Variants in STAG3 observed in about 807,000 individuals in gnomAD.
STAG3 encodes cohesin subunit SA-3.
STAG3 carries 101 observed loss-of-function variants against 160.7 expected under a neutral mutation model. The observed-to-expected ratio is 0.63, with a 90% CI of 0.54 to 0.74. The LOEUF is 0.74. Among genes scored for constraint, STAG3 ranks in the 30% least tolerant of loss-of-function variants. The pLI is 0.00. For missense variants in STAG3, 1,188 were observed against 1,517.4 expected (o/e 0.78, Z 3.61); for synonymous variants, 519 against 585.0 (o/e 0.89, Z 1.63).
At chr7:100,217,430 C>A (rs565438534), downstream of STAG3, among the ~76,000 whole-genome samples, 1 of 152,242 alleles carries the variant, frequency 6.6e-6, no homozygotes, top group Non-Finnish European at 1.5e-5. Context: ...CAGAGCAGTG[C>A]TTTTCAGGGG....
At chr7:100,194,119 C>T (rs1251034095) in intron 8 of STAG3, among the ~76,000 whole-genome samples, 2 of 151,718 alleles carry the variant, frequency 1.3e-5, no homozygotes, top group Non-Finnish European at 2.9e-5. Context: ...AGCTAATTTT[C>T]TGTTTTTAGT....
rs774291155 is a variant in STAG3 at position 100,211,528 on chromosome 7, C to T, written c.3507C>T (p.Asn1169=). ...ACCCTTCAGGTCCTGGCCTGGGCAA[C>T]CAGCTGATGCGGTGAGCTTTTCTCA... is the stretch of plus-strand genomic sequence containing the variant. ...PHNPSGPGLG[N]QLMRLSLMEE... The change falls in exon 31 of 34, where the codon AAC becomes AAT. Residue 1169 remains asparagine, a synonymous_variant. Transcript: ENST00000615138. 3 of 1,613,816 alleles carry T rather than the reference C, an allele frequency of 1.9e-6. No homozygotes were observed. Among genetic ancestry groups the T allele is most frequent in the South Asian group, 2.2e-5 (2 of 91,034 alleles).
intron 2 of STAG3, chr7:100,180,954 A>G (rs1234728821): frequency 7.8e-6 from 2 of 257,644 alleles, no homozygotes; most frequent in Non-Finnish European, 1.5e-5. Context: ...ATCTCGGCTT[A>G]CTGCAACCTC....
Position 100,178,251 on chromosome 7 carries a change from G to A in STAG3, c.-65+246G>A, listed in dbSNP as rs567378534. On this transcript the variant is annotated intron_variant, in intron 1 of 33. Transcript: ENST00000615138. ...TTTATCCTGGAGCCGCTTACCCCAGGGGCAGTCGTAGATATTTTTACCTTC... is the reference window on the plus strand; with the variant it reads ...TTTATCCTGGAGCCGCTTACCCCAGAGGCAGTCGTAGATATTTTTACCTTC... Among the ~76,000 whole-genome samples, 7 of 152,226 alleles carry A rather than the reference G, an allele frequency of 4.6e-5. No homozygotes were observed. In the East Asian group the frequency reaches 1.4e-3, roughly 29 times the overall value.
At chr7:100,193,948 T>TC (rs1251846876) in intron 8 of STAG3, among the ~76,000 whole-genome samples, 1 of 150,598 alleles carries the variant, frequency 6.6e-6, no homozygotes, top group Non-Finnish European at 1.5e-5. Context: ...TCTTTTTTTT[T>TC]TTTTTTTTTT....
chr7:100,182,727 C>G lies in STAG3; in HGVS notation c.224C>G (p.Ala75Gly). ...AKRPPKTTPV[A>G]KHPKKGSRVV... is the part of the protein sequence containing the mutation. ...TGATCTTTTTATACATATTAGGTGGCAAAACATCCAAAGAAAGGGTCCCGA... is the reference window on the plus strand; with the variant it reads ...TGATCTTTTTATACATATTAGGTGGGAAAACATCCAAAGAAAGGGTCCCGA... Residue 75 changes from alanine (A) to glycine (G), a missense_variant, in exon 4 of 34, where the codon GCA becomes GGA. By Grantham distance (60) the Ala-to-Gly change is moderately conservative. This residue lies in a region of STAG3 where 296 missense variants were observed against 404.0 expected (regional missense o/e 0.73). Transcript: ENST00000615138. 6.2e-7 allele frequency: 1 copy of G among 1,613,208 alleles called. No individual in the cohort carries two copies. Among genetic ancestry groups the G allele is most frequent in the Non-Finnish European group, 8.5e-7 (1 of 1,179,776 alleles).
intron 29 of STAG3, among the ~76,000 whole-genome samples, chr7:100,206,771 A>G (rs890394199): frequency 5.3e-5 from 8 of 152,182 alleles, no homozygotes; most frequent in Non-Finnish European, 8.8e-5. Context: ...TGCCCAGCCA[A>G]AAATCACCCT....
chr7:100,210,100 C>T (rs1307541543), intron 29 of STAG3, among the ~76,000 whole-genome samples: 1 of 152,166 alleles, frequency 6.6e-6, no homozygotes, highest in Non-Finnish European at 1.5e-5. Context: ...AGGAGAGACT[C>T]AAGGGCCCAG....
chr7:100,204,900 G>A, intron 27 of STAG3, 105 bp from the exon 28 acceptor site: 2 of 1,575,298 alleles, frequency 1.3e-6, no homozygotes, highest in Non-Finnish European at 1.7e-6. Context: ...TATGCCTTTG[G>A]AGACAAGCTG....
chr7:100,188,892 A>G lies in STAG3; in HGVS notation c.591A>G (p.Thr197=). Residue 197 remains threonine (T), a synonymous_variant, in exon 7 of 34, where the codon ACA becomes ACG. Coordinates refer to ENST00000615138, the MANE Select transcript of STAG3 (RefSeq NM_001282717.2). ...FQGSFCEFVR[T]LVCQCQYSLL... is the part of the protein sequence containing the mutation. ...GCAGCTTCTGTGAATTTGTGAGGAC[A>G]TTGGTCTGTCAGTGCCAGTACAGCC... The G allele has an allele frequency of 1.9e-6, 3 of 1,614,172 alleles. No individual in the cohort carries two copies. Among genetic ancestry groups the G allele is most frequent in the South Asian group, 2.2e-5 (2 of 91,082 alleles).
intron 22 of STAG3, 31 bp from the exon 23 acceptor site, chr7:100,201,918 A>G: frequency 6.2e-7 from 1 of 1,614,058 alleles, no homozygotes; most frequent in Non-Finnish European, 8.5e-7. Flanking sequence ...CTGTGTCTTC[A>G]TTCTTCCCCT....
At chr7:100,196,282 C>CTT in intron 9 of STAG3, among the ~76,000 whole-genome samples, 1 of 147,340 alleles carries the variant, frequency 6.8e-6, no homozygotes, top group Middle Eastern at 3.6e-3. Flanking sequence ...GTTGAATTAA[C>CTT]TTTTTTTTTT....
chr7:100,194,326 T>C (rs1021315151), intron 8 of STAG3, among the ~76,000 whole-genome samples: 2 of 152,246 alleles, frequency 1.3e-5, no homozygotes, highest in East Asian at 1.9e-4. Context: ...AAAAGGGTTA[T>C]TAATTGACCT....
chr7:100,211,253 G>A, intron 30 of STAG3, 68 bp downstream of exon 30: 1 of 1,524,624 alleles, frequency 6.6e-7, no homozygotes, highest in Non-Finnish European at 8.8e-7. Context: ...CCATCTTGCT[G>A]TTTCTGTTTC....
At chr7:100,216,528 C>G (rs183781431), downstream of STAG3, among the ~76,000 whole-genome samples, 10 of 152,058 alleles carry the variant, frequency 6.6e-5, no homozygotes, top group Admixed American at 2.0e-4. Context: ...GGGCTGGGTG[C>G]GGTGGCTCAG....
downstream of STAG3, among the ~76,000 whole-genome samples, chr7:100,214,677 G>C (rs1802609549): frequency 6.6e-6 from 1 of 152,138 alleles, no homozygotes; most frequent in Non-Finnish European, 1.5e-5. Flanking sequence ...TCACCCATGT[G>C]AGCCAGGCCA....
rs939666167 is a variant in STAG3, at chr7:100,214,165, C to G, written c.*150C>G. ...AAGAGTTGGGCATTGTTTTTCTAAC[C>G]TAACCTTTCCCTCTGGGGTAGAGAA... On this transcript the variant is annotated 3_prime_UTR_variant, in exon 34 of 34. Transcript: ENST00000615138. 6.3e-5 allele frequency: 71 copies of G among 1,135,500 alleles called. No individual in the cohort carries two copies. The highest frequency in any genetic ancestry group is 8.7e-5 in the Non-Finnish European group (68 of 783,146). The allele number at this position is 1,135,500 out of a possible 1,614,324, so 70.3% of individuals were successfully genotyped here.
chr7:100,191,637 C>A (rs1800349859), intron 8 of STAG3, among the ~76,000 whole-genome samples: 1 of 152,178 alleles, frequency 6.6e-6, no homozygotes, highest in South Asian at 2.1e-4. Context: ...CGAGTTAAAT[C>A]TTTTTGTTGG....
chr7:100,186,158 A>G (rs1297856491), intron 4 of STAG3, 42 bp from the exon 5 acceptor site: 1 of 1,473,862 alleles, frequency 6.8e-7, no homozygotes, highest in Admixed American at 1.7e-5. Context: ...CTATTCTGTC[A>G]TATTGCCAGA....
Sources: gnomAD v4.1 joint callset for allele counts (sites outside exome capture counted in the v4.1 genomes callset) on GRCh38, gnomAD v4.1.1 for gene constraint, gnomAD v4.1.1 regional missense constraint, MANE v1.5 for transcripts, NCBI Gene and HGNC (gene_info 2026-07-23, HGNC 2026-07-21) for gene names.